Variants in MUC5B observed in about 807,000 individuals in gnomAD.
The protein encoded by MUC5B is mucin-5B.
In MUC5B, 116 loss-of-function variants were observed where a neutral mutation model predicts 376.9. The observed-to-expected ratio is 0.31, with a 90% CI of 0.26 to 0.36. The LOEUF (loss-of-function observed/expected upper bound fraction) is 0.36. Among genes scored for constraint, MUC5B ranks in the 10% least tolerant of loss-of-function variants. The pLI is 1.00. For missense variants in MUC5B, 7,165 were observed against 7,769.9 expected (o/e 0.92, Z 2.93); for synonymous variants, 3,517 against 3,390.9 (o/e 1.04, Z -1.29).
chr11:1,235,439 C>G lies in MUC5B; in HGVS notation c.2880+26C>G, dbSNP rs558339558. The stretch of plus-strand genomic sequence containing the variant: ...GTGAGAACGGCCCCAGCTGTGAGCA[C>G]CCCCGACCCTGCAGCCAACGAGCCG... On this transcript the variant is annotated intron_variant, in intron 23 of 48. Transcript: ENST00000529681. 4.1e-4 allele frequency: 645 copies of G among 1,586,998 alleles called. 9 individuals carry two copies. The South Asian group carries it at 7.0e-3, about 17-fold the overall frequency.
At position 1,235,350 on chromosome 11, in the gene MUC5B, C is replaced by T. The variant is rs373187065; in HGVS notation, c.2817C>T (p.Thr939=). 5.3e-5 allele frequency: 85 copies of T among 1,612,818 alleles called. No homozygotes were observed. The highest frequency in any genetic ancestry group is 1.9e-4 in the African/African-American group (14 of 75,004). ...NTTHGTFRIV[T]ENIPCGTTGT... The stretch of plus-strand genomic sequence containing the variant: ...CCCACGGGACCTTCCGCATCGTCAC[C>T]GAGAACATCCCCTGTGGGACCACCG... The change falls in exon 23 of 49, where the codon ACC becomes ACT. Residue 939 remains threonine (T), a synonymous_variant. Transcript: ENST00000529681.
chr11:1,259,918 A>G, intron 45 of MUC5B, 45 bp from the exon 46 acceptor site: 1 of 1,612,594 alleles, frequency 6.2e-7, no homozygotes, highest in Non-Finnish European at 8.5e-7. Flanking sequence ...GCTCTGCACA[A>G]GAGGTAATCC....
In MUC5B at chr11:1,233,595, G is replaced by GC. The variant is rs931993692; in HGVS notation, c.2322-192dup. Among the ~76,000 whole-genome samples, 63 of 152,242 alleles carry GC rather than the reference G, an allele frequency of 4.1e-4. 1 individual carries two copies. The highest frequency in any genetic ancestry group is 1.5e-3 in the African/African-American group (61 of 41,550). ...ACCCCAGGGTCCTGGCTGCTTTGCTGCCCCCCTGTGTGTATTTACCCATGT... is the reference window on the plus strand; with the variant it reads ...ACCCCAGGGTCCTGGCTGCTTTGCTGCCCCCCCTGTGTGTATTTACCCATGT... On this transcript the variant is annotated intron_variant, in intron 18 of 48. Coordinates refer to ENST00000529681, the MANE Select transcript of MUC5B (RefSeq NM_002458.3).
Position 1,249,729 on chromosome 11 carries a change from C to T in MUC5B, c.12849C>T (p.Thr4283=). 6.2e-7 allele frequency: 1 copy of T among 1,611,026 alleles called. No homozygotes were observed. The highest frequency in any genetic ancestry group is 8.5e-7 in the Non-Finnish European group (1 of 1,178,258). The part of the protein sequence containing the change: ...PGTAPPPKVL[T]SPATTPTATS... ...CAGCTCCCCCTCCCAAAGTGCTGAC[C>T]AGCCCGGCCACCACACCCACAGCCA... Residue 4283 remains threonine, a synonymous_variant, in exon 31 of 49, where the codon ACC becomes ACT. Transcript: ENST00000529681.
At position 1,249,776 on chromosome 11, in the gene MUC5B, C is replaced by T. The variant is rs755205042; in HGVS notation, c.12896C>T (p.Ser4299Phe). ...GCCACCAGTTCCAAAGCCACTTCCT[C>T]CTCCAGTCCAAGGACTGCAACCACC... ...PTATSSKATS[S>F]SSPRTATTLP... Residue 4299 changes from serine (S) to phenylalanine (F), a missense_variant, in exon 31 of 49, where the codon TCC becomes TTC. Physicochemically the swap from Ser to Phe is radical, Grantham distance 155 (BLOSUM62 -2). Coordinates refer to ENST00000529681, the MANE Select transcript of MUC5B (RefSeq NM_002458.3). 7 of 1,613,372 alleles carry T rather than the reference C, an allele frequency of 4.3e-6. No individual in the cohort carries two copies. The highest frequency in any genetic ancestry group is 4.5e-5 in the East Asian group (2 of 44,862).
chr11:1,242,648 C>T lies in MUC5B; in HGVS notation c.5768C>T (p.Thr1923Met), dbSNP rs142667139. ...ACTACGACTGCGTCCACTGGATCCA[C>T]GGCCACCCCGACCTCCACCCTGAGA... Reference protein sequence around the residue: ...TATTTASTGSTATPTSTLRTA... With the variant: ...TATTTASTGSMATPTSTLRTA... Residue 1923 changes from threonine to methionine, a missense_variant, in exon 31 of 49, where the codon ACG becomes ATG. Physicochemically the swap from Thr to Met is moderately conservative, Grantham distance 81. Around this residue, in one of 31 missense-constraint regions of MUC5B, gnomAD observed 897 missense variants for 779.6 expected, o/e 1.15. Transcript: ENST00000529681. 6.8e-5 allele frequency: 109 copies of T among 1,613,752 alleles called. No homozygotes were observed. Among genetic ancestry groups the T allele is most frequent in the Middle Eastern group, 3.3e-4 (2 of 6,062 alleles).
chr11:1,242,763 T>A lies in MUC5B; in HGVS notation c.5883T>A (p.Thr1961=). ...SKATPSSSPG[T]ATALPALRST... ...CCACTCCCTCCTCCAGTCCAGGGAC[T>A]GCAACCGCCCTTCCAGCACTGAGAA... The change falls in exon 31 of 49, where the codon ACT becomes ACA. Residue 1961 remains threonine, a synonymous_variant. Coordinates refer to ENST00000529681, the MANE Select transcript of MUC5B (RefSeq NM_002458.3). The A allele has an allele frequency of 1.9e-6, 3 of 1,609,278 alleles. No individual in the cohort carries two copies. The highest frequency in any genetic ancestry group is 1.7e-6 in the Non-Finnish European group (2 of 1,178,438).
At chr11:1,227,225 G>A in intron 5 of MUC5B, 80 bp downstream of exon 5, 1 of 1,574,438 alleles carries the variant, frequency 6.4e-7, no homozygotes, top group African/African-American at 1.3e-5. Context: ...GCCTCCCTGG[G>A]CTTGGGGTCA....
Position 1,236,377 on chromosome 11 carries a change from C to T in MUC5B, c.2881-9C>T. ...GGTCGGCTTCCGGCAGCGTCTGCCT[C>T]CCCTGCAGAGCTACGAGCTGATCCT... On this transcript the variant is annotated splice_polypyrimidine_tract_variant and intron_variant, in intron 23 of 48. Coordinates refer to ENST00000529681, the MANE Select transcript of MUC5B (RefSeq NM_002458.3). The T allele has an allele frequency of 1.2e-6, 2 of 1,601,704 alleles. No individual in the cohort carries two copies. Among genetic ancestry groups the T allele is most frequent in the Non-Finnish European group, 1.7e-6 (2 of 1,171,930 alleles).
Position 1,229,189 on chromosome 11 carries a change from C to T in MUC5B, c.996C>T (p.Asn332=), listed in dbSNP as rs752123491. 1.3e-6 allele frequency: 2 copies of T among 1,597,964 alleles called. No homozygotes were observed. The highest frequency in any genetic ancestry group is 1.7e-6 in the Non-Finnish European group (2 of 1,176,106). The part of the protein sequence containing the change: ...PELCPRTCPL[N]MQHQECGSPC... ...GCGCAGCCCGGACCTGCCCCCTCAACATGCAGCACCAGGAGTGTGGCTCAC... is the reference window on the plus strand; with the variant it reads ...GCGCAGCCCGGACCTGCCCCCTCAATATGCAGCACCAGGAGTGTGGCTCAC... Residue 332 remains asparagine, a synonymous_variant, in exon 9 of 49, where the codon AAC becomes AAT. Coordinates refer to ENST00000529681, the MANE Select transcript of MUC5B (RefSeq NM_002458.3).
At chr11:1,254,059 G>C in intron 33 of MUC5B, 33 bp from the exon 34 acceptor site, 1 of 1,596,820 alleles carries the variant, frequency 6.3e-7, no homozygotes, top group Non-Finnish European at 8.5e-7. Context: ...CACCACCACG[G>C]AGCCTGCCAG....
At position 1,242,885 on chromosome 11, in the gene MUC5B, C is replaced by T. The variant is rs781521543; in HGVS notation, c.6005C>T (p.Thr2002Met). The T allele has an allele frequency of 2.0e-5, 32 of 1,613,760 alleles. No individual in the cohort carries two copies. The highest frequency in any genetic ancestry group is 4.0e-5 in the African/African-American group (3 of 74,940). ...WTRLSQTTTP[T>M]ATMSTATPSS... The stretch of plus-strand genomic sequence containing the variant: ...CGCCTATCACAGACCACCACACCCA[C>T]GGCCACCATGTCCACAGCCACACCC... The change falls in exon 31 of 49, where the codon ACG (threonine) becomes ATG (methionine). Residue 2002 changes from threonine to methionine, a missense_variant. Transcript: ENST00000529681.
Position 1,254,250 on chromosome 11 carries a change from A to G in MUC5B, c.15376A>G (p.Thr5126Ala). ...LDNHYCTASA[T>A]AAAARCPRAL... Reference sequence around the variant, plus strand: ...CAACCACTACTGCACGGCCTCTGCCACTGCCGCTGCCGCCCGCTGCCCCCG... The same window carrying G: ...CAACCACTACTGCACGGCCTCTGCCGCTGCCGCTGCCGCCCGCTGCCCCCG... Residue 5126 changes from threonine to alanine, a missense_variant, in exon 34 of 49, where the codon ACT becomes GCT. Physicochemically the swap from Thr to Ala is moderately conservative, Grantham distance 58. Around this residue, in one of 31 missense-constraint regions of MUC5B, gnomAD observed 842 missense variants for 1,016.9 expected, o/e 0.83. Transcript: ENST00000529681. The G allele has an allele frequency of 6.2e-7, 1 of 1,612,452 alleles. No homozygotes were observed. The highest frequency in any genetic ancestry group is 8.5e-7 in the Non-Finnish European group (1 of 1,179,844).
At chr11:1,231,356 T>C in intron 13 of MUC5B, 67 bp from the exon 14 acceptor site, 1 of 1,519,020 alleles carries the variant, frequency 6.6e-7, no homozygotes, top group South Asian at 1.3e-5. Context: ...CTGGATGCCC[T>C]GCCCCTCCAA....
At chr11:1,260,483 A>G in intron 47 of MUC5B, 90 bp downstream of exon 47, 1 of 1,526,574 alleles carries the variant, frequency 6.6e-7, no homozygotes, top group Non-Finnish European at 9.0e-7. Context: ...ACTAGGCAGC[A>G]GTGGGATGCC....
At position 1,242,917 on chromosome 11, in the gene MUC5B, A is replaced by G. The variant is rs2133826147; in HGVS notation, c.6037A>G (p.Thr2013Ala). 1.9e-6 allele frequency: 3 copies of G among 1,610,404 alleles called. No homozygotes were observed. Among genetic ancestry groups the G allele is most frequent in the Non-Finnish European group, 2.5e-6 (3 of 1,178,646 alleles). The change falls in exon 31 of 49, where the codon ACT becomes GCT. Residue 2013 changes from threonine (T) to alanine (A), a missense_variant. Transcript: ENST00000529681. ...ATMSTATPSS[T>A]PETAHTSTVL... Reference sequence around the variant, plus strand: ...CATGTCCACAGCCACACCCTCCTCCACTCCAGAGACTGCCCACACCTCCAC... The same window carrying G: ...CATGTCCACAGCCACACCCTCCTCCGCTCCAGAGACTGCCCACACCTCCAC...
Position 1,233,828 on chromosome 11 carries a change from C to T in MUC5B, c.2357C>T (p.Ala786Val). The T allele has an allele frequency of 2.5e-6, 4 of 1,604,870 alleles. No homozygotes were observed. Among genetic ancestry groups the T allele is most frequent in the Non-Finnish European group, 3.4e-6 (4 of 1,176,334 alleles). ...GGTGGGAAGCTAAGCTGCCTGGGAG[C>T]CTCTCTGCAGAAAAGCACAGGTAAG... ...CTGGKLSCLG[A>V]SLQKSTGCAA... is the part of the protein sequence containing the mutation. Residue 786 changes from alanine (A) to valine (V), a missense_variant, in exon 19 of 49, where the codon GCC becomes GTC. By Grantham distance (64) the Ala-to-Val change is moderately conservative (BLOSUM62 0). Around this residue, in one of 31 missense-constraint regions of MUC5B, gnomAD observed 530 missense variants for 604.0 expected, o/e 0.88. Coordinates refer to ENST00000529681, the MANE Select transcript of MUC5B (RefSeq NM_002458.3).
rs756342010 is a variant in MUC5B at position 1,232,367 on chromosome 11, G to C, written c.1844-83G>C. The C allele has an allele frequency of 2.0e-6, 3 of 1,466,184 alleles. No homozygotes were observed. In the East Asian group the frequency reaches 7.5e-5, roughly 37 times the overall value. The allele number at this position is 1,466,184 out of a possible 1,614,324, so 90.8% of individuals were successfully genotyped here. On this transcript the variant is annotated intron_variant, in intron 15 of 48. Coordinates refer to ENST00000529681, the MANE Select transcript of MUC5B (RefSeq NM_002458.3). ...CGCAAATTCCAACTCACTGTTCCCC[G>C]GGCTGAGGGGGTCGCAGGCCTGCGT... is the stretch of plus-strand genomic sequence containing the variant.
intron 25 of MUC5B, among the ~76,000 whole-genome samples, chr11:1,238,179 C>G (rs943780579): frequency 6.6e-6 from 1 of 152,136 alleles, no homozygotes; most frequent in Non-Finnish European, 1.5e-5. Context: ...ATGGTCAGGA[C>G]GCATTCACAG....
Sources: allele counts gnomAD v4.1 joint callset (sites outside exome capture counted in the v4.1 genomes callset), GRCh38; gene constraint gnomAD v4.1.1; regional missense constraint gnomAD v4.1.1; transcripts MANE v1.5; gene names NCBI Gene and HGNC (gene_info 2026-07-23, HGNC 2026-07-21).